PREP: variants seen among roughly 807,000 people sequenced by gnomAD.
PREP encodes prolyl endopeptidase.
In PREP, 29 loss-of-function variants were observed where a neutral mutation model predicts 87.6. The ratio of observed to expected loss-of-function variants is 0.33; its 90% confidence interval spans 0.25 to 0.45. PREP has a LOEUF of 0.45. Ranked by LOEUF, PREP falls within the 20% of genes least tolerant of loss-of-function variation. PREP has a pLI of 1.00. For missense variants in PREP, 695 were observed against 886.5 expected (o/e 0.78, Z 2.74); for synonymous variants, 337 against 328.6 (o/e 1.03, Z -0.28).
At chr6:105,296,480 CT>C (rs1345801503) in intron 10 of PREP, among the ~76,000 whole-genome samples, 1 of 151,880 alleles carries the variant, frequency 6.6e-6, no homozygotes, top group African/African-American at 2.4e-5. Context: ...AGCTTCCTCT[CT>C]TATAAAACAT....
At chr6:105,355,802 T>C (rs892040413) in intron 6 of PREP, among the ~76,000 whole-genome samples, 1 of 152,212 alleles carries the variant, frequency 6.6e-6, no homozygotes, top group Admixed American at 6.5e-5. Context: ...TGGTTTAGTT[T>C]TGATTGTCCT....
chr6:105,326,743 G>A (rs1286147186), intron 9 of PREP, among the ~76,000 whole-genome samples: 3 of 152,152 alleles, frequency 2.0e-5, no homozygotes, highest in African/African-American at 4.8e-5. Flanking sequence ...ATCTGAATCC[G>A]GAAGCCCCAT....
chr6:105,377,774 T>C (rs972878429), intron 2 of PREP, among the ~76,000 whole-genome samples: 2 of 152,212 alleles, frequency 1.3e-5, no homozygotes, highest in African/African-American at 2.4e-5. Flanking sequence ...AAGTATTAAC[T>C]TATTTAGAAC....
Position 105,278,164 on chromosome 6 carries a change from T to C in PREP, c.2113A>G (p.Asn705Asp). 6.2e-7 allele frequency: 1 copy of C among 1,611,672 alleles called. No homozygotes were observed. The highest frequency in any genetic ancestry group is 1.3e-5 in the African/African-American group (1 of 75,020). ...DMFAFIARCL[N>D]VDWIP The stretch of plus-strand genomic sequence containing the variant: ...ACTGTTTATGGAATCCAGTCGACGT[T>C]CAGGCACCGCGCGATGAACGCAAAC... Residue 705 changes from asparagine to aspartate, a missense_variant, in exon 15 of 15, where the codon AAC becomes GAC. Coordinates refer to ENST00000652536, the MANE Select transcript of PREP (RefSeq NM_002726.5). The surrounding 1 kb of genome is among the most constrained non-coding windows in gnomAD (Gnocchi z 4.2).
At position 105,376,396 on chromosome 6, in the gene PREP, G is replaced by T. The variant is rs1204213898; in HGVS notation, c.255-141C>A. 8 of 885,038 alleles carry T rather than the reference G, an allele frequency of 9.0e-6. No homozygotes were observed. The Admixed American group carries it at 1.6e-4, about 18-fold the overall frequency. 54.8% of individuals were successfully genotyped at this position (885,038 alleles called of 1,614,324 possible). A position where few individuals can be genotyped will look rare whatever the true frequency, so the allele number is the denominator to read the frequency against. On this transcript the variant is annotated intron_variant, in intron 3 of 14. Transcript: ENST00000652536. ...AATCTGGCCATCGCAGGGACGTGGG[G>T]ACATGGGTGAAAGGTTCCATCATTT...
intron 2 of PREP, among the ~76,000 whole-genome samples, chr6:105,385,903 C>T (rs1164515401): frequency 7.9e-5 from 12 of 152,118 alleles, no homozygotes; most frequent in African/African-American, 1.7e-4. Context: ...AGGCAGATCA[C>T]GAGGTCAGGA....
At chr6:105,379,324 C>T (rs1772775566) in intron 2 of PREP, among the ~76,000 whole-genome samples, 1 of 152,146 alleles carries the variant, frequency 6.6e-6, no homozygotes, top group Non-Finnish European at 1.5e-5. Flanking sequence ...CTATGTGGCC[C>T]TTTACAGGAA....
intron 6 of PREP, among the ~76,000 whole-genome samples, chr6:105,354,490 A>G (rs980530856): frequency 6.6e-6 from 1 of 151,372 alleles, no homozygotes; most frequent in African/African-American, 2.4e-5. Context: ...TAGTGCCCAG[A>G]TATTTGGATG....
chr6:105,304,363 G>A (rs552233438), intron 10 of PREP, among the ~76,000 whole-genome samples: 110 of 152,214 alleles, frequency 7.2e-4, no homozygotes, highest in Non-Finnish European at 1.2e-3. Flanking sequence ...AATGTACTAC[G>A]AATACCCCCA....
At chr6:105,402,163 G>A (rs565826642) in intron 1 of PREP, among the ~76,000 whole-genome samples, 31 of 152,160 alleles carry the variant, frequency 2.0e-4, no homozygotes, top group Middle Eastern at 3.4e-3. Context: ...TCCCTTCTAA[G>A]ACCTCCTCTC....
chr6:105,335,919 A>G (rs1019569859), intron 7 of PREP, among the ~76,000 whole-genome samples: 4 of 152,138 alleles, frequency 2.6e-5, no homozygotes, highest in Non-Finnish European at 5.9e-5. Flanking sequence ...AAAAAATAAA[A>G]GTAACTATCA....
At chr6:105,355,114 C>T (rs1417878155) in intron 6 of PREP, among the ~76,000 whole-genome samples, 3 of 131,876 alleles carry the variant, frequency 2.3e-5, no homozygotes, top group Non-Finnish European at 4.7e-5. Context: ...TTTTTTGAGA[C>T]GGAGTTTTAC....
intron 2 of PREP, among the ~76,000 whole-genome samples, chr6:105,380,808 T>G (rs1229665821): frequency 6.6e-6 from 1 of 152,184 alleles, no homozygotes; most frequent in African/African-American, 2.4e-5. Flanking sequence ...GTCATTTCCC[T>G]GATCCTTCTG....
chr6:105,329,123 T>C (rs1771253045), intron 8 of PREP, 97 bp from the exon 9 acceptor site: 1 of 1,148,978 alleles, frequency 8.7e-7, no homozygotes, highest in Non-Finnish European at 1.3e-6. Flanking sequence ...CATAGGGCTA[T>C]GCAGCAATGA....
At chr6:105,318,633 T>C (rs1321035253) in intron 10 of PREP, among the ~76,000 whole-genome samples, 1 of 152,194 alleles carries the variant, frequency 6.6e-6, no homozygotes, top group Non-Finnish European at 1.5e-5. Flanking sequence ...CCATGAAGCG[T>C]AATATCAGAA....
intron 14 of PREP, among the ~76,000 whole-genome samples, chr6:105,280,030 G>A (rs1018706493): frequency 6.6e-6 from 1 of 152,190 alleles, no homozygotes; most frequent in Non-Finnish European, 1.5e-5. Flanking sequence ...TTTCCCCTTA[G>A]AGAATAGAGT....
Position 105,278,840 on chromosome 6 carries a change from C to G in PREP, c.1839-402G>C, listed in dbSNP as rs894682570. ...TCCAAGCCTTTCTTTTGTTGAGAAA[C>G]TTGAAATCCACAGTATAAAGGGGCT... On this transcript the variant is annotated intron_variant, in intron 14 of 14. Transcript: ENST00000652536. The surrounding 1 kb of genome is among the most constrained non-coding windows in gnomAD (Gnocchi z 4.2). 6.6e-6 allele frequency among the ~76,000 whole-genome samples: 1 copy of G among 152,114 alleles called. No homozygotes were observed. Among genetic ancestry groups the G allele is most frequent in the Non-Finnish European group, 1.5e-5 (1 of 68,020 alleles).
intron 10 of PREP, among the ~76,000 whole-genome samples, chr6:105,314,814 C>T (rs1770827876): frequency 6.6e-6 from 1 of 152,148 alleles, no homozygotes; most frequent in East Asian, 1.9e-4. Flanking sequence ...ATGGTGAATC[C>T]TGTCCAGAAG....
chr6:105,387,621 GAAAAAAAGA>G (rs61317166), intron 2 of PREP, among the ~76,000 whole-genome samples: 806 of 60,046 alleles, frequency 0.013, 7 homozygotes, highest in African/African-American at 0.12. Context: ...AAAAAAAAAA[GAAAAAAAGA>G]AAAAAAGAAA....
Sources: gnomAD v4.1 joint callset for allele counts (sites outside exome capture counted in the v4.1 genomes callset) on GRCh38, gnomAD v4.1.1 for gene constraint, Gnocchi (gnomAD v3.1) non-coding constraint, MANE v1.5 for transcripts, NCBI Gene and HGNC (gene_info 2026-07-23, HGNC 2026-07-21) for gene names.